The following GPC4 variants were observed in gnomAD, a reference collection of about 807,000 sequenced individuals.
GPC4 encodes glypican-4.
In GPC4, 10 loss-of-function variants were observed where a neutral mutation model predicts 35.0. That is an observed-to-expected ratio of 0.29 (90% CI 0.18 to 0.48). The LOEUF (loss-of-function observed/expected upper bound fraction) is 0.48, where lower values mean the gene tolerates loss of function less well. GPC4 is among the 20% of genes least tolerant of loss of function. GPC4 has a pLI of 0.99. For synonymous variants in GPC4, 167 were observed against 170.2 expected (o/e 0.98, Z 0.15); for missense variants, 322 against 451.3 (o/e 0.71, Z 2.60).
At chrX:133,355,986 G>A (rs1008033972) in intron 1 of GPC4, among the ~76,000 whole-genome samples, 2 of 111,794 alleles carry the variant, frequency 1.8e-5, no homozygotes, top group African/African-American at 6.5e-5. Flanking sequence ...GCAGAACCAT[G>A]AGCCAATTAA....
At chrX:133,383,412 G>C (rs2068672633) in intron 1 of GPC4, among the ~76,000 whole-genome samples, 1 of 111,317 alleles carries the variant, frequency 9.0e-6, no homozygotes, top group Non-Finnish European at 1.9e-5. Context: ...TGGTTGCCAG[G>C]AGTTGATGGA....
intron 1 of GPC4, among the ~76,000 whole-genome samples, chrX:133,389,793 CTGCTGTTGGACCTG>C (rs774865632): frequency 4.5e-4 from 50 of 111,812 alleles, no homozygotes; most frequent in Admixed American, 1.8e-3. Context: ...TGGGTACATA[CTGCTGTTGGACCTG>C]ATAGCCTGAA....
intron 1 of GPC4, among the ~76,000 whole-genome samples, chrX:133,356,038 T>C (rs772781918): frequency 5.4e-5 from 6 of 111,586 alleles, no homozygotes; most frequent in African/African-American, 1.3e-4. Flanking sequence ...AGTATGTCTT[T>C]ATAGTGATGC....
At chrX:133,369,654 T>C (rs907457549) in intron 1 of GPC4, among the ~76,000 whole-genome samples, 1 of 112,333 alleles carries the variant, frequency 8.9e-6, no homozygotes, top group African/African-American at 3.2e-5. Flanking sequence ...ATGATATGAT[T>C]ATTTAAGTGA....
Position 133,415,092 on chromosome X carries a change from T to C in GPC4, c.-127A>G, listed in dbSNP as rs769414631. On this transcript the variant is annotated 5_prime_UTR_variant, in exon 1 of 9. Transcript: ENST00000370828. Reference sequence around the variant, plus strand: ...AGCTGGAGGGAGAAGGAGTTGGAGTTGGTGGAAGAGGCGAGCAGGCGGAGG... The same window carrying C: ...AGCTGGAGGGAGAAGGAGTTGGAGTCGGTGGAAGAGGCGAGCAGGCGGAGG... 90 of 679,976 alleles carry C rather than the reference T, an allele frequency of 1.3e-4. 1 individual carries two copies. The East Asian group carries it at 2.9e-3, about 22-fold the overall frequency. The allele number at this position is 679,976 out of a possible 1,213,427, so 56.0% of individuals were successfully genotyped here. A position where few individuals can be genotyped will look rare whatever the true frequency, so the allele number is the denominator to read the frequency against.
intron 1 of GPC4, among the ~76,000 whole-genome samples, chrX:133,357,959 A>G (rs2068549688): frequency 9.0e-6 from 1 of 111,378 alleles, no homozygotes. Flanking sequence ...TGTTGTTTCT[A>G]TTGTTATCAT....
chrX:133,314,996 T>A (rs1230693044), intron 3 of GPC4, among the ~76,000 whole-genome samples: 3 of 110,868 alleles, frequency 2.7e-5, no homozygotes, highest in African/African-American at 9.9e-5. Flanking sequence ...GCCTCTCTTT[T>A]GGAGTCTTTA....
intron 2 of GPC4, among the ~76,000 whole-genome samples, chrX:133,326,001 A>G (rs2068391215): frequency 9.5e-6 from 1 of 105,156 alleles, no homozygotes; most frequent in Admixed American, 1.0e-4. Flanking sequence ...CAGCTTTTCA[A>G]ACATTGTAGG....
intron 1 of GPC4, among the ~76,000 whole-genome samples, chrX:133,348,168 G>C (rs1291744807): frequency 8.9e-6 from 1 of 112,171 alleles, no homozygotes; most frequent in Non-Finnish European, 1.9e-5. Context: ...GCTTCTTACT[G>C]CTTTTCAAAT....
At chrX:133,403,734 C>T (rs190490831) in intron 1 of GPC4, among the ~76,000 whole-genome samples, 38 of 107,035 alleles carry the variant, frequency 3.6e-4, no homozygotes, top group Non-Finnish European at 6.5e-4. Flanking sequence ...CTCACTCTGT[C>T]GCCCAAGCTG....
intron 1 of GPC4, among the ~76,000 whole-genome samples, chrX:133,362,191 G>GT (rs1235382686): frequency 3.7e-5 from 4 of 107,501 alleles, no homozygotes; most frequent in Non-Finnish European, 7.7e-5. Flanking sequence ...TCCAGCCTGG[G>GT]TGACAGAGTA....
At chrX:133,373,542 T>A (rs2124160784) in intron 1 of GPC4, among the ~76,000 whole-genome samples, 1 of 111,393 alleles carries the variant, frequency 9.0e-6, no homozygotes, top group African/African-American at 3.3e-5. Flanking sequence ...CAGGCAGGCA[T>A]CAGGCTCAGC....
At chrX:133,355,735 G>T (rs1202803722) in intron 1 of GPC4, among the ~76,000 whole-genome samples, 1 of 111,611 alleles carries the variant, frequency 9.0e-6, no homozygotes, top group Non-Finnish European at 1.9e-5. Context: ...GGAGGTGACT[G>T]GGTTGTGTGG....
In GPC4 at chrX:133,301,207, A is replaced by G. The variant is rs909405405; in HGVS notation, c.*1660T>C. On this transcript the variant is annotated 3_prime_UTR_variant, in exon 9 of 9. Coordinates refer to ENST00000370828, the MANE Select transcript of GPC4 (RefSeq NM_001448.3). ...TGAGCTATCAAGTAATTATGTTTCA[A>G]TATAAAAATAGAGAATTACTCTTAC... is the stretch of plus-strand genomic sequence containing the variant. The G allele has an allele frequency of 8.9e-6, 1 of 112,749 alleles. No individual in the cohort carries two copies. Among genetic ancestry groups the G allele is most frequent in the Non-Finnish European group, 1.9e-5 (1 of 53,328 alleles). The allele number at this position is 112,749 out of a possible 1,213,427, so 9.3% of individuals were successfully genotyped here.
intron 2 of GPC4, among the ~76,000 whole-genome samples, chrX:133,325,222 T>C (rs1365166735): frequency 2.7e-5 from 3 of 111,001 alleles, no homozygotes; most frequent in African/African-American, 9.8e-5. Flanking sequence ...AAAGGATTTA[T>C]ACAATAACAT....
At chrX:133,343,865 C>CT (rs371194052) in intron 1 of GPC4, among the ~76,000 whole-genome samples, 35 of 109,576 alleles carry the variant, frequency 3.2e-4, no homozygotes, top group South Asian at 1.6e-3. Context: ...TGTATTGGTT[C>CT]TTTTTTTTTG....
intron 1 of GPC4, among the ~76,000 whole-genome samples, chrX:133,360,653 C>T (rs2068563452): frequency 8.9e-6 from 1 of 112,115 alleles, no homozygotes; most frequent in Admixed American, 9.5e-5. Context: ...TCCAGTTGCA[C>T]ATTTAACCAA....
At chrX:133,327,636 AGTGTGTGTGTGTGTGTGTGT>A (rs557359106) in intron 2 of GPC4, among the ~76,000 whole-genome samples, 11 of 83,279 alleles carry the variant, frequency 1.3e-4, no homozygotes, top group South Asian at 7.9e-4. Context: ...TGTCCAGGAA[AGTGTGTGTGTGTGTGTGTGT>A]GTGTGTGTGT....
At chrX:133,398,539 G>A (rs372550735) in intron 1 of GPC4, among the ~76,000 whole-genome samples, 1 of 111,594 alleles carries the variant, frequency 9.0e-6, no homozygotes, top group Non-Finnish European at 1.9e-5. Context: ...AGGTTGAAGC[G>A]GGTGAGTTCA....
Sources: gnomAD v4.1 joint callset for allele counts (sites outside exome capture counted in the v4.1 genomes callset) on GRCh38, gnomAD v4.1.1 for gene constraint, MANE v1.5 for transcripts, NCBI Gene and HGNC (gene_info 2026-07-23, HGNC 2026-07-21) for gene names.